NBDY: variants seen among roughly 807,000 people sequenced by gnomAD.
NBDY encodes P-body dissociating protein.
At chrX:56,802,162 A>G (rs970593107) in intron 2 of NBDY, among the ~76,000 whole-genome samples, 1 of 111,897 alleles carries the variant, frequency 8.9e-6, no homozygotes, top group Non-Finnish European at 1.9e-5. Context: ...ATGGGTGAGG[A>G]TTCCTGGCTC....
At chrX:56,794,220 C>A (rs1476432180) in intron 2 of NBDY, among the ~76,000 whole-genome samples, 1 of 111,601 alleles carries the variant, frequency 9.0e-6, no homozygotes, top group Non-Finnish European at 1.9e-5. Context: ...GTCCACCCAG[C>A]CCCGCATATT....
intron 2 of NBDY, chrX:56,737,639 C>A: frequency 5.5e-6 from 2 of 362,074 alleles, no homozygotes; most frequent in Admixed American, 4.1e-5. Context: ...TATACACTGG[C>A]TGCTCATCCC....
chrX:56,764,119 G>A (rs987301597), intron 2 of NBDY, among the ~76,000 whole-genome samples: 5 of 111,745 alleles, frequency 4.5e-5, no homozygotes, highest in Non-Finnish European at 7.6e-5. Context: ...AGCTCTCTCC[G>A]AAAAAAAGGG....
rs150012882 is a variant in NBDY at position 56,798,349 on chromosome X, C to T, written c.*167-18971C>T. Among the ~76,000 whole-genome samples, 439 of 112,024 alleles carry T rather than the reference C, an allele frequency of 3.9e-3. 2 individuals are homozygous for T. The highest frequency in any genetic ancestry group is 0.013 in the African/African-American group (406 of 30,849). On this transcript the variant is annotated intron_variant, in intron 2 of 2. Transcript: ENST00000374922. ...GTGATGTCATGGGAATCTGTGGCAACGTGGTGGCCTTTTTGAGTCCCCCTA... is the reference window on the plus strand; with the variant it reads ...GTGATGTCATGGGAATCTGTGGCAATGTGGTGGCCTTTTTGAGTCCCCCTA...
At chrX:56,765,585 A>G (rs748829720) in intron 2 of NBDY, among the ~76,000 whole-genome samples, 4 of 111,059 alleles carry the variant, frequency 3.6e-5, no homozygotes, top group Non-Finnish European at 7.6e-5. Context: ...GCCCTCCTAA[A>G]CTAGATCCTT....
intron 2 of NBDY, chrX:56,737,154 C>T (rs1444181392): frequency 3.4e-6 from 2 of 579,846 alleles, no homozygotes; most frequent in African/African-American, 4.4e-5. Context: ...TAAAGTAAAA[C>T]ATCTGCAGAC....
At chrX:56,795,705 C>T (rs1351401063) in intron 2 of NBDY, among the ~76,000 whole-genome samples, 1 of 112,164 alleles carries the variant, frequency 8.9e-6, no homozygotes, top group Non-Finnish European at 1.9e-5. Flanking sequence ...GTGGAGAAGA[C>T]CCACATGACC....
At chrX:56,734,132 G>GA (rs2069474230) in intron 2 of NBDY, among the ~76,000 whole-genome samples, 1 of 112,264 alleles carries the variant, frequency 8.9e-6, no homozygotes, top group African/African-American at 3.2e-5. Context: ...TGCCATTAGT[G>GA]AAAATTCCAT....
Position 56,731,524 on chromosome X carries a change from T to G in NBDY, c.*30-539T>G, listed in dbSNP as rs369538541. 6.7e-4 allele frequency among the ~76,000 whole-genome samples: 73 copies of G among 109,461 alleles called. No homozygotes were observed. The East Asian group carries it at 0.013, about 20-fold the overall frequency. ...AGGCAGAGATTGCAGTGAGCCGAGA[T>G]CATGCCACTGCACTCCAGCCTGGGC... On this transcript the variant is annotated intron_variant, in intron 1 of 2. Coordinates refer to ENST00000374922, the MANE Select transcript of NBDY (RefSeq NM_001348129.2).
At chrX:56,788,866 G>T (rs1482265642) in intron 2 of NBDY, among the ~76,000 whole-genome samples, 2 of 112,404 alleles carry the variant, frequency 1.8e-5, no homozygotes, top group Non-Finnish European at 3.8e-5. Flanking sequence ...GCTTCTCCAA[G>T]GGGTCCCAGT....
At chrX:56,801,017 C>A (rs12009933) in intron 2 of NBDY, among the ~76,000 whole-genome samples, 118 of 111,750 alleles carry the variant, frequency 1.1e-3, no homozygotes, top group African/African-American at 3.3e-3. Flanking sequence ...CCCGTGGCCC[C>A]TTGCAGTGCG....
chrX:56,786,833 A>G (rs982300501), intron 2 of NBDY, among the ~76,000 whole-genome samples: 1 of 110,892 alleles, frequency 9.0e-6, no homozygotes, highest in Admixed American at 9.6e-5. Context: ...TTAGGCCTGG[A>G]GAAAGCTTCA....
In NBDY at chrX:56,817,941, C is replaced by G. The variant is rs1448050595; in HGVS notation, c.*788C>G. 1.8e-5 allele frequency: 2 copies of G among 110,947 alleles called. No individual in the cohort carries two copies. The highest frequency in any genetic ancestry group is 3.8e-5 in the Non-Finnish European group (2 of 52,925). 9.1% of individuals were successfully genotyped at this position (110,947 alleles called of 1,213,427 possible). A position where few individuals can be genotyped will look rare whatever the true frequency, so the allele number is the denominator to read the frequency against. On this transcript the variant is annotated 3_prime_UTR_variant, in exon 3 of 3. Coordinates refer to ENST00000374922, the MANE Select transcript of NBDY (RefSeq NM_001348129.2). ...AATTTTCTACTTTCCTTCTAAAATG[C>G]TTAGTATTGAACAAATAGAATATCC...
chrX:56,766,493 C>T (rs1398724758), intron 2 of NBDY, among the ~76,000 whole-genome samples: 1 of 111,817 alleles, frequency 8.9e-6, no homozygotes, highest in Non-Finnish European at 1.9e-5. Flanking sequence ...CATACACACA[C>T]ATAAAGTAAG....
chrX:56,762,440 C>T (rs2069642485), intron 2 of NBDY, among the ~76,000 whole-genome samples: 1 of 110,848 alleles, frequency 9.0e-6, no homozygotes, highest in African/African-American at 3.3e-5. Context: ...GGGGATGTCC[C>T]TCTGCGTGCT....
At position 56,817,792 on chromosome X, in the gene NBDY, C is replaced by T. The variant is rs1206627179; in HGVS notation, c.*639C>T. Reference sequence around the variant, plus strand: ...CCAAAAAAGAATTGTTTCCAGTACACTTTCTTTAATTTGCTGTCAGTTTTT... The same window carrying T: ...CCAAAAAAGAATTGTTTCCAGTACATTTTCTTTAATTTGCTGTCAGTTTTT... On this transcript the variant is annotated 3_prime_UTR_variant, in exon 3 of 3. Transcript: ENST00000374922. The T allele has an allele frequency of 1.8e-5, 2 of 111,566 alleles. No individual in the cohort carries two copies. The highest frequency in any genetic ancestry group is 5.6e-4 in the East Asian group (2 of 3,587). The allele number at this position is 111,566 out of a possible 1,213,427, so 9.2% of individuals were successfully genotyped here. A position where few individuals can be genotyped will look rare whatever the true frequency, so the allele number is the denominator to read the frequency against.
chrX:56,747,352 C>G (rs2069562848), intron 2 of NBDY, among the ~76,000 whole-genome samples: 1 of 111,764 alleles, frequency 8.9e-6, no homozygotes, highest in Admixed American at 9.6e-5. Flanking sequence ...CAGGAATGGC[C>G]TCCTGTATTG....
intron 2 of NBDY, among the ~76,000 whole-genome samples, chrX:56,743,974 T>A (rs756357147): frequency 9.0e-6 from 1 of 110,861 alleles, no homozygotes; most frequent in East Asian, 2.8e-4. Flanking sequence ...CTCTTAGTAC[T>A]GCTTTTGCTT....
At chrX:56,753,231 A>T (rs1451390093) in intron 2 of NBDY, among the ~76,000 whole-genome samples, 2 of 112,457 alleles carry the variant, frequency 1.8e-5, no homozygotes, top group Non-Finnish European at 3.8e-5. Context: ...TGGAGACAAG[A>T]TCTTTCTGTA....
Sources: gnomAD v4.1 joint callset for allele counts (sites outside exome capture counted in the v4.1 genomes callset) on GRCh38, gnomAD v4.1.1 for gene constraint, MANE v1.5 for transcripts, NCBI Gene and HGNC (gene_info 2026-07-23, HGNC 2026-07-21) for gene names.